EPS8L2: variants seen among roughly 807,000 people sequenced by gnomAD.
EPS8L2 encodes epidermal growth factor receptor kinase substrate 8-like protein 2.
A neutral mutation model predicts 99.4 loss-of-function variants in EPS8L2; 81 were observed. That is an observed-to-expected ratio of 0.82 (90% CI 0.68 to 0.98). The LOEUF is 0.98. EPS8L2 is among the 50% of genes least tolerant of loss of function. The pLI is 0.00. For missense variants in EPS8L2, 1,155 were observed against 968.8 expected, an observed-to-expected ratio of 1.19 and a Z score of -2.55; for synonymous variants, 509 against 407.3, an observed-to-expected ratio of 1.25 and a Z score of -3.01.
At chr11:714,984 T>C (rs1167378843) in intron 4 of EPS8L2, among the ~76,000 whole-genome samples, 1 of 152,172 alleles carries the variant, frequency 6.6e-6, no homozygotes, top group Non-Finnish European at 1.5e-5. Flanking sequence ...GGCTCATGCC[T>C]GTAATCCCAG....
At chr11:711,902 G>A (rs1347132031) in intron 4 of EPS8L2, among the ~76,000 whole-genome samples, 1 of 151,918 alleles carries the variant, frequency 6.6e-6, no homozygotes, top group Non-Finnish European at 1.5e-5. Flanking sequence ...AGAATCACTG[G>A]AACCCAGGAG....
At chr11:717,810 C>G (rs911943344) in intron 4 of EPS8L2, among the ~76,000 whole-genome samples, 1 of 146,884 alleles carries the variant, frequency 6.8e-6, no homozygotes, top group Non-Finnish European at 1.5e-5. Flanking sequence ...GAGATGGAGA[C>G]CATCCTGGCT....
chr11:727,146 A>C lies in EPS8L2; in HGVS notation c.*165A>C. 1 of 597,002 alleles carries C rather than the reference A, an allele frequency of 1.7e-6. No homozygotes were observed. Among genetic ancestry groups the C allele is most frequent in the African/African-American group, 1.9e-5 (1 of 53,262 alleles). 37.0% of individuals were successfully genotyped at this position (597,002 alleles called of 1,614,324 possible). ...GAGGCACAACGCCCATCCTTAGGCC[A>C]AACAGTACCCAAGGCCTCAGCCCAC... On this transcript the variant is annotated 3_prime_UTR_variant, in exon 21 of 21. Coordinates refer to ENST00000318562, the MANE Select transcript of EPS8L2 (RefSeq NM_022772.4).
chr11:720,965 G>GGGGAGGGGAGGAGCCGGCAGGGA (rs1564975771), intron 7 of EPS8L2, 56 bp downstream of exon 7: 1 of 1,291,122 alleles, frequency 7.7e-7, no homozygotes, highest in African/African-American at 1.5e-5. Flanking sequence ...GAGCCCGGCA[G>GGGGAGGGGAGGAGCCGGCAGGGA]GGGAGGGGAG....
intron 16 of EPS8L2, among the ~76,000 whole-genome samples, chr11:725,260 C>T (rs923039523): frequency 2.0e-5 from 3 of 152,236 alleles, no homozygotes; most frequent in Non-Finnish European, 2.9e-5. Flanking sequence ...CGCCTGTAAC[C>T]GCAGCACTGG....
In EPS8L2 at chr11:725,740, G is replaced by T. The variant is rs983271016; in HGVS notation, c.1573G>T (p.Gly525Cys). The T allele has an allele frequency of 3.0e-6, 4 of 1,326,508 alleles. No homozygotes were observed. Among genetic ancestry groups the T allele is most frequent in the East Asian group, 3.0e-5 (1 of 33,518 alleles). The allele number at this position is 1,326,508 out of a possible 1,614,324, so 82.2% of individuals were successfully genotyped here. Residue 525 changes from glycine (G) to cysteine (C), a missense_variant, in exon 17 of 21, where the codon GGC becomes TGC. Gly to Cys is a radical substitution (Grantham distance 159). Transcript: ENST00000318562. ...KDEVLEVLED[G>C]RQWWKLRSRS... is the part of the protein sequence containing the mutation. ...GCGCGCCCCGCAGGTGCTGGAGGAC[G>T]GCCGGCAGTGGTGGAAGCTGCGCAG...
intron 6 of EPS8L2, 38 bp from the exon 7 acceptor site, chr11:720,792 G>GC (rs1862137274): frequency 6.5e-7 from 1 of 1,542,832 alleles, no homozygotes; most frequent in African/African-American, 1.4e-5. Flanking sequence ...GCCGCGCCGC[G>GC]CCCCGCCCTC....
chr11:715,618 G>GTTTTTTTTTT (rs929222502), intron 4 of EPS8L2, among the ~76,000 whole-genome samples: 1 of 120,038 alleles, frequency 8.3e-6, no homozygotes, highest in Non-Finnish European at 1.7e-5. Context: ...TTTTTCTTTT[G>GTTTTTTTTTT]TTTTTTTTTT....
At chr11:721,794 A>T in intron 10 of EPS8L2, 103 bp downstream of exon 10, 1 of 1,512,446 alleles carries the variant, frequency 6.6e-7, no homozygotes, top group Non-Finnish European at 9.1e-7. Flanking sequence ...GGGGCTACTC[A>T]TGGAGGTGGA....
At chr11:713,619 ACTGCAACCTC>A (rs980000361) in intron 4 of EPS8L2, among the ~76,000 whole-genome samples, 31 of 152,136 alleles carry the variant, frequency 2.0e-4, no homozygotes, top group African/African-American at 6.5e-4. Flanking sequence ...ATCTTGGTTC[ACTGCAACCTC>A]CGCCTCAAGG....
At chr11:714,236 C>CT (rs71464110) in intron 4 of EPS8L2, among the ~76,000 whole-genome samples, 58,189 of 145,086 alleles carry the variant, frequency 0.4, 11,712 homozygotes, top group Admixed American at 0.49. Context: ...TTTCTTTTTT[C>CT]TTTTTTTTTT....
chr11:720,776 GGCCCCGCCGCGCCGC>G, intron 6 of EPS8L2, 30 bp downstream of exon 6: 2 of 1,532,914 alleles, frequency 1.3e-6, no homozygotes, highest in Non-Finnish European at 1.8e-6. Flanking sequence ...GGCAGGGTGG[GGCCCCGCCGCGCCGC>G]GCCCCGCCCT....
chr11:725,669 G>C lies in EPS8L2; in HGVS notation c.1561-59G>C. The C allele has an allele frequency of 2.3e-6, 3 of 1,280,704 alleles. No individual in the cohort carries two copies. In the South Asian group the frequency reaches 8.4e-5, roughly 36 times the overall value. 79.3% of individuals were successfully genotyped at this position (1,280,704 alleles called of 1,614,324 possible). On this transcript the variant is annotated intron_variant, in intron 16 of 20. Transcript: ENST00000318562. ...CCGACCTCTGTAAAGCGGCGCCAGC[G>C]GGTGGTCCCAGCCCCGCAGAGCCTG...
At position 721,217 on chromosome 11, in the gene EPS8L2, G is replaced by T; in HGVS notation, c.700+11G>T. On this transcript the variant is annotated intron_variant, in intron 8 of 20. Transcript: ENST00000318562. ...CACTCAGCGAGCCAGGTGGGCCGAG[G>T]GGCTGGAGGGGGCTCCACAGGGCTC... The T allele has an allele frequency of 6.5e-7, 1 of 1,531,878 alleles. No homozygotes were observed. 94.9% of individuals were successfully genotyped at this position (1,531,878 alleles called of 1,614,324 possible). A position where few individuals can be genotyped will look rare whatever the true frequency, so the allele number is the denominator to read the frequency against.
rs1862237948 is a variant in EPS8L2 at position 723,293 on chromosome 11, C to T, written c.1394C>T (p.Thr465Ile). The T allele has an allele frequency of 6.2e-7, 1 of 1,605,800 alleles. No homozygotes were observed. Among genetic ancestry groups the T allele is most frequent in the Non-Finnish European group, 8.5e-7 (1 of 1,177,396 alleles). ...SIRNSQKHSPTSEPTPPGDAL... is the reference protein window; with the variant it reads ...SIRNSQKHSPISEPTPPGDAL... ...AGAAACTCCCAGAAGCACAGCCCCA[C>T]TTCAGAGCCCACCCCCCCGGGGGAT... is the stretch of plus-strand genomic sequence containing the variant. Residue 465 changes from threonine (T) to isoleucine (I), a missense_variant, in exon 15 of 21, where the codon ACT (threonine) becomes ATT (isoleucine). Thr to Ile is a moderately conservative substitution (Grantham distance 89). Transcript: ENST00000318562.
chr11:721,762 G>T, intron 10 of EPS8L2, 71 bp downstream of exon 10: 1 of 1,553,976 alleles, frequency 6.4e-7, no homozygotes, highest in Non-Finnish European at 8.8e-7. Context: ...CAGGGACGGG[G>T]ACGGGGCCAG....
At position 727,104 on chromosome 11, in the gene EPS8L2, G is replaced by A. The variant is rs929835205; in HGVS notation, c.*123G>A. On this transcript the variant is annotated 3_prime_UTR_variant, in exon 21 of 21. Transcript: ENST00000318562. ...GGAGGGGGTGTGGTGCTGGCTAGAG[G>A]TCCCTGCCCCTGTCTGGAGGCACAA... The A allele has an allele frequency of 9.7e-6, 7 of 718,630 alleles. No individual in the cohort carries two copies. The highest frequency in any genetic ancestry group is 1.6e-5 in the Non-Finnish European group (7 of 427,518). 44.5% of individuals were successfully genotyped at this position (718,630 alleles called of 1,614,324 possible).
At position 725,995 on chromosome 11, in the gene EPS8L2, C is replaced by A; in HGVS notation, c.1681-103C>A. 3 of 1,312,858 alleles carry A rather than the reference C, an allele frequency of 2.3e-6. No homozygotes were observed. The South Asian group carries it at 4.3e-5, about 19-fold the overall frequency. 81.3% of individuals were successfully genotyped at this position (1,312,858 alleles called of 1,614,324 possible). A position where few individuals can be genotyped will look rare whatever the true frequency, so the allele number is the denominator to read the frequency against. ...TGGGCAGAAGGAAAGGGCTGGTCCGCAGGCCGGGGCTGTAGGGGGATTGGC... is the reference window on the plus strand; with the variant it reads ...TGGGCAGAAGGAAAGGGCTGGTCCGAAGGCCGGGGCTGTAGGGGGATTGGC... On this transcript the variant is annotated intron_variant, in intron 17 of 20. Coordinates refer to ENST00000318562, the MANE Select transcript of EPS8L2 (RefSeq NM_022772.4).
chr11:710,530 C>A (rs1301768068), intron 4 of EPS8L2, 44 bp downstream of exon 4: 4 of 1,536,258 alleles, frequency 2.6e-6, no homozygotes, highest in African/African-American at 1.4e-5. Flanking sequence ...AGGGAGCACC[C>A]TCAGGACATG....
Sources: allele counts gnomAD v4.1 joint callset (sites outside exome capture counted in the v4.1 genomes callset), GRCh38; gene constraint gnomAD v4.1.1; transcripts MANE v1.5; gene names NCBI Gene and HGNC (gene_info 2026-07-23, HGNC 2026-07-21).